HIP1: variants seen among roughly 807,000 people sequenced by gnomAD.
HIP1 encodes the protein huntingtin-interacting protein 1.
Under a neutral mutation model 147.6 loss-of-function variants are expected in HIP1, and 65 were observed. That is an observed-to-expected ratio of 0.44 (90% CI 0.36 to 0.54). HIP1 has a LOEUF of 0.54. Among genes scored for constraint, HIP1 ranks in the 20% least tolerant of loss-of-function variants. The probability of loss-of-function intolerance (pLI) is 0.00; values close to 1 mark genes in which losing one functional copy is unlikely to be tolerated. For synonymous variants in HIP1, 479 were observed against 504.0 expected (o/e 0.95, Z 0.67); for missense variants, 1,061 against 1,299.6 (o/e 0.82, Z 2.82).
intron 1 of HIP1, among the ~76,000 whole-genome samples, chr7:75,658,145 G>C (rs564117562): frequency 2.0e-5 from 3 of 152,302 alleles, no homozygotes; most frequent in Non-Finnish European, 1.5e-5. Flanking sequence ...CCAGGCTGGA[G>C]TGCAGTGTTG....
rs1799432042 is a variant in HIP1 at position 75,664,034 on chromosome 7, ATATACACATATATGTG to A, written c.121-64803_121-64788del. Among the ~76,000 whole-genome samples the A allele has an allele frequency of 2.9e-4, 24 of 84,120 alleles. 1 individual carries two copies. In the East Asian group the frequency reaches 4.6e-3, roughly 16 times the overall value. 55.2% of individuals were successfully genotyped at this position (84,120 alleles called of 152,430 possible). On this transcript the variant is annotated intron_variant, in intron 1 of 30. Coordinates refer to ENST00000336926, the MANE Select transcript of HIP1 (RefSeq NM_005338.7). The stretch of plus-strand genomic sequence containing the variant: ...TATATATACACATATATGTGTATAT[ATATACACATATATGTG>A]TATATACACATATATGTGTATATAC...
chr7:75,602,283 G>A (rs1282955512), intron 1 of HIP1, among the ~76,000 whole-genome samples: 1 of 142,486 alleles, frequency 7.0e-6, no homozygotes, highest in Non-Finnish European at 1.5e-5. Flanking sequence ...TTACAGGCGT[G>A]AGCCACAGCA....
intron 1 of HIP1, among the ~76,000 whole-genome samples, chr7:75,711,761 T>C (rs1278367130): frequency 6.6e-6 from 1 of 152,190 alleles, no homozygotes. Flanking sequence ...TCCTGGCCTC[T>C]GCATCTGCAG....
intron 1 of HIP1, among the ~76,000 whole-genome samples, chr7:75,600,845 C>T (rs1796947177): frequency 6.6e-6 from 1 of 152,122 alleles, no homozygotes; most frequent in Non-Finnish European, 1.5e-5. Flanking sequence ...ACCACAGCCT[C>T]CAACTCCTGG....
chr7:75,665,316 A>G (rs1432190185), intron 1 of HIP1, among the ~76,000 whole-genome samples: 2 of 152,104 alleles, frequency 1.3e-5, no homozygotes, highest in Non-Finnish European at 2.9e-5. Flanking sequence ...CAGGAAGCAG[A>G]GGGCATTTCC....
chr7:75,658,827 G>C (rs1799218656), intron 1 of HIP1, among the ~76,000 whole-genome samples: 1 of 152,076 alleles, frequency 6.6e-6, no homozygotes, highest in Non-Finnish European at 1.5e-5. Context: ...TGAGCCTGGG[G>C]AGGCTGCAGT....
intron 1 of HIP1, among the ~76,000 whole-genome samples, chr7:75,610,899 A>G (rs1248894123): frequency 1.4e-5 from 2 of 147,646 alleles, no homozygotes; most frequent in African/African-American, 4.9e-5. Context: ...TATATAAAAT[A>G]TATATATACT....
chr7:75,676,635 G>C (rs1456894580), intron 1 of HIP1, among the ~76,000 whole-genome samples: 1 of 151,796 alleles, frequency 6.6e-6, no homozygotes, highest in African/African-American at 2.4e-5. Flanking sequence ...AATTAGGTGG[G>C]CCTGGTGGTG....
At chr7:75,664,235 AC>A (rs1466805413) in intron 1 of HIP1, among the ~76,000 whole-genome samples, 3 of 128,996 alleles carry the variant, frequency 2.3e-5, no homozygotes, top group African/African-American at 9.1e-5. Context: ...GTGTGTGTAT[AC>A]ATACACATAC....
intron 1 of HIP1, among the ~76,000 whole-genome samples, chr7:75,705,259 T>G (rs782145341): frequency 6.6e-6 from 1 of 152,218 alleles, no homozygotes; most frequent in Non-Finnish European, 1.5e-5. Context: ...TTCATAGAAG[T>G]GGAATCATAC....
intron 1 of HIP1, among the ~76,000 whole-genome samples, chr7:75,622,069 A>C (rs982430155): frequency 6.6e-6 from 1 of 151,990 alleles, no homozygotes; most frequent in East Asian, 1.9e-4. Context: ...AGACCTCTTG[A>C]GGCCAGTTCG....
intron 1 of HIP1, among the ~76,000 whole-genome samples, chr7:75,605,286 C>T (rs1797181426): frequency 6.6e-6 from 1 of 152,126 alleles, no homozygotes; most frequent in Non-Finnish European, 1.5e-5. Context: ...AGATGACAGG[C>T]CTTCTGGGCA....
chr7:75,615,436 T>G (rs1797620569), intron 1 of HIP1, among the ~76,000 whole-genome samples: 1 of 152,050 alleles, frequency 6.6e-6, no homozygotes, highest in Non-Finnish European at 1.5e-5. Context: ...TCTGTAGTGG[T>G]GGCTACTTGG....
At chr7:75,664,085 T>TAC (rs1413967882) in intron 1 of HIP1, among the ~76,000 whole-genome samples, 2 of 111,190 alleles carry the variant, frequency 1.8e-5, no homozygotes, top group Non-Finnish European at 3.9e-5. Context: ...CACACACATA[T>TAC]ACACACATAT....
chr7:75,545,261 T>C (rs1794510385), intron 25 of HIP1, 73 bp from the exon 26 acceptor site: 1 of 833,218 alleles, frequency 1.2e-6, no homozygotes, highest in Admixed American at 2.1e-5. Context: ...TTTATACATA[T>C]ATTATCCCAA....
intron 1 of HIP1, among the ~76,000 whole-genome samples, chr7:75,671,374 G>A (rs1420004097): frequency 6.6e-6 from 1 of 152,134 alleles, no homozygotes; most frequent in African/African-American, 2.4e-5. Flanking sequence ...GATTACAGAT[G>A]TGAACCACCG....
intron 1 of HIP1, among the ~76,000 whole-genome samples, chr7:75,606,347 A>AG (rs1432954856): frequency 6.6e-6 from 1 of 152,042 alleles, no homozygotes; most frequent in Non-Finnish European, 1.5e-5. Context: ...TAGGAGGCCG[A>AG]GGGGGGCAGA....
chr7:75,565,065 C>T (rs1554495282), intron 9 of HIP1, among the ~76,000 whole-genome samples: 1 of 152,132 alleles, frequency 6.6e-6, no homozygotes, highest in East Asian at 1.9e-4. Context: ...GAAAGGGGTA[C>T]ATGGGCCTTA....
chr7:75,603,019 G>A (rs1797065577), intron 1 of HIP1, among the ~76,000 whole-genome samples: 1 of 151,940 alleles, frequency 6.6e-6, no homozygotes, highest in South Asian at 2.1e-4. Flanking sequence ...GCCAAGGAAT[G>A]CCAAGGACAG....
Sources: allele counts gnomAD v4.1 joint callset (sites outside exome capture counted in the v4.1 genomes callset), GRCh38; gene constraint gnomAD v4.1.1; transcripts MANE v1.5; gene names NCBI Gene and HGNC (gene_info 2026-07-23, HGNC 2026-07-21).